Variants in ANKRD17 observed in about 807,000 individuals in gnomAD.
ANKRD17 encodes ankyrin repeat domain-containing protein 17.
ANKRD17 carries 19 observed loss-of-function variants against 229.7 expected under a neutral mutation model. The ratio of observed to expected loss-of-function variants is 0.08; its 90% CI spans 0.06 to 0.12. The LOEUF is 0.12. ANKRD17 is among the 10% of genes least tolerant of loss of function. ANKRD17 has a pLI of 1.00. For missense variants in ANKRD17, 2,176 were observed against 3,176.8 expected (o/e 0.68, Z 7.57); for synonymous variants, 1,112 against 1,146.1 (o/e 0.97, Z 0.60).
chr4:73,158,047 C>T (rs1011815906), intron 3 of ANKRD17, among the ~76,000 whole-genome samples: 5 of 151,344 alleles, frequency 3.3e-5, no homozygotes, highest in African/African-American at 1.2e-4. Context: ...GCCAGGATCA[C>T]ACCACTGCAC....
At chr4:73,168,175 T>G (rs960534261) in intron 2 of ANKRD17, among the ~76,000 whole-genome samples, 1 of 151,850 alleles carries the variant, frequency 6.6e-6, no homozygotes, top group Admixed American at 6.6e-5. Flanking sequence ...AAAAAAAAAT[T>G]TACTGTATTA....
rs1577966700 is a variant in ANKRD17, at chr4:73,074,841, T to C, written c.*1390A>G. 1 of 152,606 alleles carries C rather than the reference T, an allele frequency of 6.6e-6. No homozygotes were observed. Among genetic ancestry groups the C allele is most frequent in the African/African-American group, 2.4e-5 (1 of 41,576 alleles). The allele number at this position is 152,606 out of a possible 1,614,324, so 9.5% of individuals were successfully genotyped here. Reference sequence around the variant, plus strand: ...TTTTACATTTCAACCATATAATTAATTTTTCCATGAGACAGGGTAGGACAC... The same window carrying C: ...TTTTACATTTCAACCATATAATTAACTTTTCCATGAGACAGGGTAGGACAC... On this transcript the variant is annotated 3_prime_UTR_variant, in exon 34 of 34. Transcript: ENST00000358602.
At chr4:73,255,772 G>A (rs1004043296) in intron 1 of ANKRD17, among the ~76,000 whole-genome samples, 1 of 151,534 alleles carries the variant, frequency 6.6e-6, no homozygotes, top group Admixed American at 6.6e-5. Context: ...TGCCCAGGCT[G>A]GACTGCAATG....
intron 9 of ANKRD17, 88 bp from the exon 10 acceptor site, chr4:73,146,961 A>G: frequency 9.6e-7 from 1 of 1,044,434 alleles, no homozygotes. Flanking sequence ...TAGATAAGTC[A>G]TACCTCCTCA....
chr4:73,169,148 A>C (rs1271216518), intron 2 of ANKRD17: 1 of 152,186 alleles, frequency 6.6e-6, no homozygotes, highest in Non-Finnish European at 1.5e-5. Flanking sequence ...ATGATGTAAA[A>C]TATAACTTAT....
chr4:73,250,337 C>G (rs1363589450), intron 1 of ANKRD17, among the ~76,000 whole-genome samples: 2 of 151,912 alleles, frequency 1.3e-5, no homozygotes, highest in African/African-American at 4.8e-5. Flanking sequence ...CACAGTAGCT[C>G]ACATCTGCAA....
At chr4:73,094,266 T>C (rs200269506) in intron 27 of ANKRD17, 38 bp from the exon 28 acceptor site, 3 of 1,533,362 alleles carry the variant, frequency 2.0e-6, no homozygotes, top group South Asian at 1.2e-5. Context: ...AGATTAGTCA[T>C]TAACAATAGT....
At chr4:73,146,951 T>C in intron 9 of ANKRD17, 78 bp from the exon 10 acceptor site, 1 of 1,189,100 alleles carries the variant, frequency 8.4e-7, no homozygotes, top group Middle Eastern at 2.0e-4. Flanking sequence ...AAACTTCTTC[T>C]AGATAAGTCA....
chr4:73,238,344 C>G (rs1743699890), intron 1 of ANKRD17, among the ~76,000 whole-genome samples: 1 of 152,124 alleles, frequency 6.6e-6, no homozygotes, highest in Admixed American at 6.6e-5. Context: ...GGGTCTAAAA[C>G]AGCATTCTTC....
chr4:73,158,035 G>A (rs956943779), intron 3 of ANKRD17, among the ~76,000 whole-genome samples: 7 of 151,800 alleles, frequency 4.6e-5, no homozygotes, highest in African/African-American at 1.5e-4. Context: ...AGGTTGCAGT[G>A]AGCCAGGATC....
chr4:73,258,070 G>A (rs1016499403), intron 1 of ANKRD17, among the ~76,000 whole-genome samples: 2 of 149,686 alleles, frequency 1.3e-5, no homozygotes, highest in Admixed American at 6.8e-5. Flanking sequence ...TGAACTCCGT[G>A]GTCCTCCCAC....
intron 2 of ANKRD17, among the ~76,000 whole-genome samples, chr4:73,175,341 T>A (rs1734590450): frequency 6.6e-6 from 1 of 151,984 alleles, no homozygotes; most frequent in Admixed American, 6.6e-5. Context: ...GGGGAAACTG[T>A]CCCCATGATC....
rs1489532257 is a variant in ANKRD17, at chr4:73,106,880, A to T, written c.4402-4333T>A. ...GCAATGGAGTGAGACTCCGTCTTTA[A>T]AAAAAAAAAAAAAAAAAAAAAAGCG... On this transcript the variant is annotated intron_variant, in intron 24 of 33. Transcript: ENST00000358602. Among the ~76,000 whole-genome samples the T allele has an allele frequency of 0.029, 61 of 2,108 alleles. No homozygotes were observed. In the South Asian group the frequency reaches 0.34, roughly 12 times the overall value. The allele number at this position is 2,108 out of a possible 152,430, so 1.4% of individuals were successfully genotyped here. A position where few individuals can be genotyped will look rare whatever the true frequency, so the allele number is the denominator to read the frequency against.
intron 1 of ANKRD17, among the ~76,000 whole-genome samples, chr4:73,206,183 C>CA (rs1295142668): frequency 6.6e-6 from 1 of 151,984 alleles, no homozygotes; most frequent in Admixed American, 6.6e-5. Context: ...AGAGGTTCCT[C>CA]AAAAAATTGA....
intron 27 of ANKRD17, among the ~76,000 whole-genome samples, chr4:73,095,097 C>A (rs1178711009): frequency 6.6e-6 from 1 of 151,770 alleles, no homozygotes; most frequent in African/African-American, 2.4e-5. Flanking sequence ...TCACTTGAAT[C>A]CGGGAGATGG....
chr4:73,098,693 A>T, intron 25 of ANKRD17, 173 bp from the exon 26 acceptor site: 2 of 848,440 alleles, frequency 2.4e-6, no homozygotes, highest in South Asian at 3.1e-5. Flanking sequence ...TACTCTGTGT[A>T]CCCACGTTCT....
At chr4:73,169,085 A>G (rs1259568561) in intron 2 of ANKRD17, 1 of 152,168 alleles carries the variant, frequency 6.6e-6, no homozygotes, top group Admixed American at 6.5e-5. Flanking sequence ...AGCTGCATCC[A>G]TGTTGCTGCA....
chr4:73,084,799 A>G (rs554432922), intron 30 of ANKRD17, among the ~76,000 whole-genome samples: 1 of 152,186 alleles, frequency 6.6e-6, no homozygotes, highest in Non-Finnish European at 1.5e-5. Context: ...ACTCAAGGGT[A>G]GAAATCTTTC....
At position 73,077,464 on chromosome 4, in the gene ANKRD17, A is replaced by ACTC. The variant is rs1317823922; in HGVS notation, c.7475_7477dup (p.Gly2492dup). 6.2e-7 allele frequency: 1 copy of ACTC among 1,613,606 alleles called. No individual in the cohort carries two copies. Among genetic ancestry groups the ACTC allele is most frequent in the East Asian group, 2.2e-5 (1 of 44,802 alleles). On this transcript the variant is annotated inframe_insertion, in exon 32 of 34. Coordinates refer to ENST00000358602, the MANE Select transcript of ANKRD17 (RefSeq NM_032217.5). The stretch of plus-strand genomic sequence containing the variant: ...CTCCATTGCTTGATGTTGTGAAAAT[A>ACTC]CTCCTGGGTCAGACATCGGTCTGTG...
Sources: gnomAD v4.1 joint callset for allele counts (sites outside exome capture counted in the v4.1 genomes callset) on GRCh38, gnomAD v4.1.1 for gene constraint, MANE v1.5 for transcripts, NCBI Gene and HGNC (gene_info 2026-07-23, HGNC 2026-07-21) for gene names.